Variants in DACH1 observed in about 807,000 individuals in gnomAD.
DACH1 encodes dachshund family transcription factor 1.
DACH1 carries 12 observed loss-of-function variants against 54.2 expected under a neutral mutation model. The observed-to-expected ratio is 0.22, with a 90% CI of 0.14 to 0.36. DACH1 has a LOEUF of 0.36. DACH1 is among the 10% of genes least tolerant of loss of function. The probability of loss-of-function intolerance (pLI) is 1.00; values close to 1 mark genes in which losing one functional copy is unlikely to be tolerated. For synonymous variants in DACH1, 386 were observed against 366.2 expected (o/e 1.05, Z -0.62); for missense variants, 805 against 929.8 (o/e 0.87, Z 1.75).
At chr13:71,731,696 G>T (rs1017450755) in intron 1 of DACH1, among the ~76,000 whole-genome samples, 2 of 152,142 alleles carry the variant, frequency 1.3e-5, no homozygotes, top group African/African-American at 4.8e-5. Context: ...AGAATTGCTT[G>T]AGGTTAAAAT....
intron 1 of DACH1, among the ~76,000 whole-genome samples, chr13:71,707,967 C>A (rs896363344): frequency 8.6e-5 from 13 of 151,988 alleles, no homozygotes; most frequent in Non-Finnish European, 1.6e-4. Context: ...TTCACCAGGC[C>A]CACTGAAGTG....
At chr13:71,788,042 T>C (rs1309458715) in intron 1 of DACH1, among the ~76,000 whole-genome samples, 5 of 152,198 alleles carry the variant, frequency 3.3e-5, no homozygotes, top group African/African-American at 1.2e-4. Context: ...GTTTGTATAG[T>C]ATATGTGAAT....
rs759640299 is a variant in DACH1 at position 71,865,913 on chromosome 13, C to G, written c.848+9G>C. ...GCGCGGGCGGCGGGGGCTATCCCCC[C>G]CGACTCACCTTGCGTTGGTGCAGTC... On this transcript the variant is annotated intron_variant, in intron 1 of 10. Transcript: ENST00000613252. 3.8e-6 allele frequency: 6 copies of G among 1,594,290 alleles called. No homozygotes were observed. Among genetic ancestry groups the G allele is most frequent in the Admixed American group, 3.4e-5 (2 of 58,380 alleles).
At chr13:71,861,555 TA>T (rs1874354378) in intron 1 of DACH1, among the ~76,000 whole-genome samples, 2 of 152,004 alleles carry the variant, frequency 1.3e-5, no homozygotes, top group East Asian at 3.8e-4. Context: ...GCTAACACTT[TA>T]AAAACATACA....
At chr13:71,576,836 A>G (rs1885559132) in intron 3 of DACH1, among the ~76,000 whole-genome samples, 1 of 152,114 alleles carries the variant, frequency 6.6e-6, no homozygotes, top group Non-Finnish European at 1.5e-5. Context: ...GACAGAAGCT[A>G]GCTCAGCTTT....
At chr13:71,820,583 A>G (rs1205323332) in intron 1 of DACH1, among the ~76,000 whole-genome samples, 1 of 152,208 alleles carries the variant, frequency 6.6e-6, no homozygotes, top group Non-Finnish European at 1.5e-5. Flanking sequence ...GCATTAAATC[A>G]TGAGTTAAAA....
Position 71,866,320 on chromosome 13 carries a change from GCTGCTGCTGCTGCTA to G in DACH1, c.435_449del (p.Ser159_Ser163del), listed in dbSNP as rs1479233079. 13 of 1,544,680 alleles carry G rather than the reference GCTGCTGCTGCTGCTA, an allele frequency of 8.4e-6. No homozygotes were observed. The East Asian group carries it at 9.8e-5, about 12-fold the overall frequency. On this transcript the variant is annotated inframe_deletion, in exon 1 of 11. Transcript: ENST00000613252. ...TGCTGCTGCTGCTACTACTGCTGCT[GCTGCTGCTGCTGCTA>G]CTGCTGCTGCTGCTGCTGCCGGTGC...
intron 1 of DACH1, among the ~76,000 whole-genome samples, chr13:71,848,206 TCC>T (rs542162367): frequency 2.5e-5 from 3 of 122,096 alleles, no homozygotes; most frequent in Non-Finnish European, 4.7e-5. Flanking sequence ...GAAGCCATTA[TCC>T]CCCCCCAAAA....
chr13:71,808,575 T>C (rs925611527), intron 1 of DACH1, among the ~76,000 whole-genome samples: 1 of 152,162 alleles, frequency 6.6e-6, no homozygotes. Flanking sequence ...TAATAAAACA[T>C]CATGAGATGT....
At chr13:71,633,136 A>T (rs907533393) in intron 2 of DACH1, among the ~76,000 whole-genome samples, 2 of 152,226 alleles carry the variant, frequency 1.3e-5, no homozygotes, top group Non-Finnish European at 2.9e-5. Context: ...GTAAACTTAC[A>T]ACTCACTATT....
At chr13:71,748,922 T>C (rs910512126) in intron 1 of DACH1, among the ~76,000 whole-genome samples, 2,899 of 46,488 alleles carry the variant, frequency 0.062, 229 homozygotes, top group African/African-American at 0.12. Flanking sequence ...CTTTCTTTCT[T>C]TCTTTCTTTC....
intron 3 of DACH1, among the ~76,000 whole-genome samples, chr13:71,588,891 G>A (rs1009932752): frequency 3.9e-5 from 6 of 151,906 alleles, no homozygotes; most frequent in Non-Finnish European, 7.4e-5. Context: ...AACTGTAAAT[G>A]TGTTTATTTA....
At chr13:71,775,531 A>T (rs1949895313) in intron 1 of DACH1, among the ~76,000 whole-genome samples, 1 of 152,132 alleles carries the variant, frequency 6.6e-6, no homozygotes, top group Non-Finnish European at 1.5e-5. Flanking sequence ...ACATAGATAC[A>T]TATATAAACA....
chr13:71,828,440 C>T (rs1275482971), intron 1 of DACH1, among the ~76,000 whole-genome samples: 1 of 151,890 alleles, frequency 6.6e-6, no homozygotes, highest in Non-Finnish European at 1.5e-5. Context: ...CAGTTACACC[C>T]GTGCCATCGA....
chr13:71,454,735 T>G (rs1875398087), intron 10 of DACH1, among the ~76,000 whole-genome samples: 1 of 152,142 alleles, frequency 6.6e-6, no homozygotes, highest in African/African-American at 2.4e-5. Flanking sequence ...TGTCCCTCAG[T>G]GGAGTCTAGA....
chr13:71,592,762 A>G (rs1207602845), intron 3 of DACH1, among the ~76,000 whole-genome samples: 1 of 152,122 alleles, frequency 6.6e-6, no homozygotes, highest in Non-Finnish European at 1.5e-5. Flanking sequence ...GACAATCTCA[A>G]TTTTCACAAG....
intron 6 of DACH1, among the ~76,000 whole-genome samples, chr13:71,497,487 G>A (rs1167852556): frequency 2.6e-5 from 4 of 151,792 alleles, no homozygotes; most frequent in African/African-American, 9.7e-5. Context: ...ATGGGCCACC[G>A]TACCGGGCTA....
chr13:71,501,793 G>C lies in DACH1; in HGVS notation c.1571-12645C>G, dbSNP rs1177446695. The stretch of plus-strand genomic sequence containing the variant: ...CATTACCATAAATAACTAGCACACA[G>C]AGAGTGCTTCCTATGTGTGCAAAGC... On this transcript the variant is annotated intron_variant, in intron 6 of 10. Coordinates refer to ENST00000613252, the MANE Select transcript of DACH1 (RefSeq NM_080759.6). 2.6e-5 allele frequency among the ~76,000 whole-genome samples: 4 copies of C among 152,312 alleles called. 1 individual carries two copies. The East Asian group carries it at 7.7e-4, about 29-fold the overall frequency.
chr13:71,841,131 A>G (rs1872809988), intron 1 of DACH1, among the ~76,000 whole-genome samples: 1 of 152,176 alleles, frequency 6.6e-6, no homozygotes, highest in African/African-American at 2.4e-5. Flanking sequence ...TCAACTCTAA[A>G]AAGTTTATAA....
Sources: allele counts gnomAD v4.1 joint callset (sites outside exome capture counted in the v4.1 genomes callset), GRCh38; gene constraint gnomAD v4.1.1; transcripts MANE v1.5; gene names NCBI Gene and HGNC (gene_info 2026-07-23, HGNC 2026-07-21).